The following GLIS1 variants were observed in gnomAD, a reference collection of about 807,000 sequenced individuals.
The protein encoded by GLIS1 is GLIS family zinc finger 1.
In GLIS1, 24 loss-of-function variants were observed where a neutral mutation model predicts 63.8. The observed-to-expected ratio is 0.38, with a 90% CI of 0.27 to 0.53. GLIS1 has a LOEUF of 0.53. Ranked by LOEUF, GLIS1 falls within the 20% of genes least tolerant of loss-of-function variation. GLIS1 has a pLI of 0.85. For missense variants in GLIS1, 1,036 were observed against 1,074.1 expected (o/e 0.96, Z 0.50); for synonymous variants, 450 against 482.5 (o/e 0.93, Z 0.88).
At chr1:53,544,648 C>T (rs1233222098) in intron 4 of GLIS1, among the ~76,000 whole-genome samples, 1 of 152,228 alleles carries the variant, frequency 6.6e-6, no homozygotes, top group Non-Finnish European at 1.5e-5. Context: ...GCTGGCTCCC[C>T]AAGCTCCCTG....
intron 2 of GLIS1, among the ~76,000 whole-genome samples, chr1:53,617,475 G>C (rs1210589386): frequency 6.6e-6 from 1 of 152,226 alleles, no homozygotes; most frequent in Non-Finnish European, 1.5e-5. Flanking sequence ...GCTGTGTTTT[G>C]TTTGGGAGCT....
chr1:53,600,338 T>G (rs555708615), intron 2 of GLIS1, 60 bp from the exon 3 acceptor site: 10 of 1,149,156 alleles, frequency 8.7e-6, no homozygotes, highest in Admixed American at 4.2e-5. Context: ...TGCAGAGGGG[T>G]ATGGGGAGAG....
intron 4 of GLIS1, among the ~76,000 whole-genome samples, chr1:53,545,811 T>C (rs982243156): frequency 1.3e-5 from 2 of 152,266 alleles, no homozygotes; most frequent in Non-Finnish European, 2.9e-5. Context: ...ACTTCTTGCC[T>C]AGTGCTACGT....
intron 10 of GLIS1, 122 bp from the exon 11 acceptor site, chr1:53,506,898 G>A (rs1194707846): frequency 9.8e-7 from 1 of 1,015,378 alleles, no homozygotes; most frequent in Non-Finnish European, 1.4e-6. Context: ...CCCGTCGGTG[G>A]GGCCTGCTTG....
chr1:53,524,102 T>C (rs1179069291), intron 6 of GLIS1, among the ~76,000 whole-genome samples: 1 of 152,254 alleles, frequency 6.6e-6, no homozygotes, highest in Non-Finnish European at 1.5e-5. Context: ...TAAACCGTCA[T>C]TTACTCCTGA....
At chr1:53,617,578 T>C (rs1645495811) in intron 2 of GLIS1, among the ~76,000 whole-genome samples, 1 of 152,272 alleles carries the variant, frequency 6.6e-6, no homozygotes, top group South Asian at 2.1e-4. Context: ...AGCTTAGCAA[T>C]GCCGCACACG....
At chr1:53,588,368 T>C (rs1436599231) in intron 4 of GLIS1, among the ~76,000 whole-genome samples, 2 of 152,184 alleles carry the variant, frequency 1.3e-5, no homozygotes, top group Non-Finnish European at 2.9e-5. Flanking sequence ...AATAATTCTT[T>C]CCTAATTGGA....
At chr1:53,585,145 C>T (rs946738110) in intron 4 of GLIS1, among the ~76,000 whole-genome samples, 1 of 152,142 alleles carries the variant, frequency 6.6e-6, no homozygotes, top group African/African-American at 2.4e-5. Flanking sequence ...GGCCAGCCCT[C>T]CTGTTCCCTC....
At chr1:53,682,967 C>T in intron 2 of GLIS1, among the ~76,000 whole-genome samples, 1 of 152,178 alleles carries the variant, frequency 6.6e-6, no homozygotes, top group East Asian at 1.9e-4. Flanking sequence ...ATCAGGAAGT[C>T]TTCCCTGTAG....
intron 4 of GLIS1, among the ~76,000 whole-genome samples, chr1:53,550,310 G>C (rs988318568): frequency 1.4e-4 from 21 of 152,194 alleles, no homozygotes; most frequent in South Asian, 6.2e-4. Context: ...ACATTAGCAA[G>C]TGAGCATCCC....
At chr1:53,726,115 A>G (rs1163097541) in intron 2 of GLIS1, among the ~76,000 whole-genome samples, 1 of 152,250 alleles carries the variant, frequency 6.6e-6, no homozygotes, top group Admixed American at 6.5e-5. Flanking sequence ...CAGCAGTCAG[A>G]CAATGAAGGA....
intron 8 of GLIS1, among the ~76,000 whole-genome samples, chr1:53,512,033 C>T (rs1194031227): frequency 6.6e-6 from 1 of 152,204 alleles, no homozygotes; most frequent in Admixed American, 6.5e-5. Context: ...AACAGCATTG[C>T]AGGATTAAGA....
intron 4 of GLIS1, among the ~76,000 whole-genome samples, chr1:53,578,965 T>C (rs1229178876): frequency 2.6e-5 from 4 of 151,816 alleles, no homozygotes; most frequent in African/African-American, 9.7e-5. Context: ...CTGCAGGCCT[T>C]GCTCTTGGGG....
At chr1:53,624,579 C>T (rs1569939600) in intron 2 of GLIS1, among the ~76,000 whole-genome samples, 1 of 150,926 alleles carries the variant, frequency 6.6e-6, no homozygotes, top group Non-Finnish European at 1.5e-5. Context: ...CTCCTTCTAT[C>T]ACCCAGGCTG....
rs1016162138 is a variant in GLIS1, at chr1:53,622,448, A to G, written c.260-22170T>C. Among the ~76,000 whole-genome samples, 1,004 of 135,442 alleles carry G rather than the reference A, an allele frequency of 7.4e-3. 11 individuals carry two copies. The highest frequency in any genetic ancestry group is 0.033 in the East Asian group (153 of 4,592). The allele number at this position is 135,442 out of a possible 152,430, so 88.9% of individuals were successfully genotyped here. A position where few individuals can be genotyped will look rare whatever the true frequency, so the allele number is the denominator to read the frequency against. Reference sequence around the variant, plus strand: ...GTCTCAAAAAAAAAAAAAAAAAAAAAAAGAAGAAGAAGAAGAAGAAGATAT... The same window carrying G: ...GTCTCAAAAAAAAAAAAAAAAAAAAGAAGAAGAAGAAGAAGAAGAAGATAT... On this transcript the variant is annotated intron_variant, in intron 2 of 10. Transcript: ENST00000628545.
chr1:53,675,620 T>C (rs1373577329), intron 2 of GLIS1, among the ~76,000 whole-genome samples: 1 of 152,182 alleles, frequency 6.6e-6, no homozygotes, highest in Non-Finnish European at 1.5e-5. Context: ...ACTGACCACC[T>C]CTCACAGCTG....
At chr1:53,703,134 A>G (rs1014700544) in intron 2 of GLIS1, among the ~76,000 whole-genome samples, 7 of 152,236 alleles carry the variant, frequency 4.6e-5, no homozygotes, top group African/African-American at 1.7e-4. Flanking sequence ...GCTCTGGTGG[A>G]AGCCGACGTT....
At chr1:53,605,631 G>A (rs1341387692) in intron 2 of GLIS1, among the ~76,000 whole-genome samples, 1 of 152,244 alleles carries the variant, frequency 6.6e-6, no homozygotes, top group African/African-American at 2.4e-5. Flanking sequence ...CTACGAGCCT[G>A]AGAAATCCTT....
At chr1:53,546,720 C>G (rs1644703254) in intron 4 of GLIS1, among the ~76,000 whole-genome samples, 1 of 152,234 alleles carries the variant, frequency 6.6e-6, no homozygotes, top group African/African-American at 2.4e-5. Context: ...TCTTCTGCGG[C>G]CATCATTCTC....
Sources: gnomAD v4.1 joint callset for allele counts (sites outside exome capture counted in the v4.1 genomes callset) on GRCh38, gnomAD v4.1.1 for gene constraint, MANE v1.5 for transcripts, NCBI Gene and HGNC (gene_info 2026-07-23, HGNC 2026-07-21) for gene names.